The following JMJD1C variants were observed in gnomAD, a reference collection of about 807,000 sequenced individuals.
JMJD1C encodes the protein jumonji domain containing 1C.
A neutral mutation model predicts 245.3 loss-of-function variants in JMJD1C; 31 were observed. The ratio of observed to expected loss-of-function variants is 0.13; its 90% CI spans 0.09 to 0.17. The LOEUF (loss-of-function observed/expected upper bound fraction) is 0.17, where lower values mean the gene tolerates loss of function less well. Ranked by LOEUF, JMJD1C falls within the 10% of genes least tolerant of loss-of-function variation. The pLI, the probability that JMJD1C is intolerant of heterozygous loss-of-function variation, is 1.00. For synonymous variants in JMJD1C, 1,057 were observed against 1,017.4 expected (o/e 1.04, Z -0.74); for missense variants, 2,691 against 3,000.2 (o/e 0.90, Z 2.41).
In JMJD1C at chr10:63,332,239, G is replaced by A. The variant is rs557706509; in HGVS notation, c.333+48079C>T. On this transcript the variant is annotated intron_variant, in intron 2 of 25. Coordinates refer to ENST00000399262, the MANE Select transcript of JMJD1C (RefSeq NM_032776.3). The stretch of plus-strand genomic sequence containing the variant: ...CCACAAGAAAATGCAGCTTATATAA[G>A]TAAAGTAAGAAAAAGGTTCAGCTGG... Among the ~76,000 whole-genome samples, 327 of 152,256 alleles carry A rather than the reference G, an allele frequency of 2.1e-3. 2 individuals are homozygous for A. The highest frequency in any genetic ancestry group is 7.6e-3 in the African/African-American group (317 of 41,562).
chr10:63,387,629 A>AAATTTT (rs1554915199), intron 1 of JMJD1C, among the ~76,000 whole-genome samples: 2 of 37,866 alleles, frequency 5.3e-5, no homozygotes, highest in Non-Finnish European at 8.6e-5. Context: ...GAAAAAAAAA[A>AAATTTT]TTTTTTTTTT....
intron 1 of JMJD1C, among the ~76,000 whole-genome samples, chr10:63,460,835 G>A (rs1373330048): frequency 4.6e-5 from 7 of 151,994 alleles, no homozygotes; most frequent in Non-Finnish European, 5.9e-5. Flanking sequence ...ATACAAAGAC[G>A]ATAAGGTTTC....
At chr10:63,339,060 T>C (rs78854030) in intron 2 of JMJD1C, among the ~76,000 whole-genome samples, 4,240 of 152,294 alleles carry the variant, frequency 0.028, 88 homozygotes, top group Middle Eastern at 0.044. Flanking sequence ...CCCTTGTTTA[T>C]GGTAAAAAAA....
chr10:63,416,409 AATCT>A (rs1182360570), intron 1 of JMJD1C, among the ~76,000 whole-genome samples: 1 of 152,090 alleles, frequency 6.6e-6, no homozygotes. Context: ...TTGCAGGAAA[AATCT>A]ATCTCATTTT....
intron 3 of JMJD1C, among the ~76,000 whole-genome samples, chr10:63,236,203 G>A (rs1004186913): frequency 3.3e-5 from 5 of 151,632 alleles, no homozygotes; most frequent in African/African-American, 1.2e-4. Context: ...CTACTAATAG[G>A]GTTTCTTGGT....
intron 3 of JMJD1C, among the ~76,000 whole-genome samples, chr10:63,220,492 A>G (rs887891003): frequency 6.6e-6 from 1 of 152,230 alleles, no homozygotes; most frequent in African/African-American, 2.4e-5. Flanking sequence ...TCTGACCAGT[A>G]ATTTTGCTGC....
chr10:63,341,137 C>T (rs999133803), intron 2 of JMJD1C, among the ~76,000 whole-genome samples: 23 of 152,046 alleles, frequency 1.5e-4, no homozygotes, highest in East Asian at 5.8e-4. Flanking sequence ...AATATCCATC[C>T]GGATGAGCTG....
intron 1 of JMJD1C, among the ~76,000 whole-genome samples, chr10:63,420,525 C>T (rs1015762867): frequency 6.7e-6 from 1 of 150,244 alleles, no homozygotes; most frequent in Non-Finnish European, 1.5e-5. Flanking sequence ...GACAACATGG[C>T]AAAACCCCGT....
At chr10:63,421,704 G>C (rs1226485173) in intron 1 of JMJD1C, among the ~76,000 whole-genome samples, 4 of 152,178 alleles carry the variant, frequency 2.6e-5, no homozygotes, top group Non-Finnish European at 4.4e-5. Context: ...ATATGGGTGA[G>C]ACCCTGAAGT....
At chr10:63,242,166 T>C (rs1851561478) in intron 3 of JMJD1C, among the ~76,000 whole-genome samples, 3 of 152,188 alleles carry the variant, frequency 2.0e-5, no homozygotes, top group Non-Finnish European at 4.4e-5. Flanking sequence ...AGGGTGATAC[T>C]GGAGACAATA....
intron 1 of JMJD1C, among the ~76,000 whole-genome samples, chr10:63,513,622 T>C (rs1461161821): frequency 2.0e-5 from 3 of 152,066 alleles, no homozygotes; most frequent in Admixed American, 6.6e-5. Flanking sequence ...CAAAAAATAG[T>C]CCCATTTAGG....
At chr10:63,245,071 T>C (rs1056856297) in intron 3 of JMJD1C, among the ~76,000 whole-genome samples, 1 of 139,138 alleles carries the variant, frequency 7.2e-6, no homozygotes, top group African/African-American at 2.7e-5. Flanking sequence ...GAGGTGGAGC[T>C]TGCAGTGAGC....
At chr10:63,440,517 A>G (rs1951322148) in intron 1 of JMJD1C, among the ~76,000 whole-genome samples, 1 of 152,078 alleles carries the variant, frequency 6.6e-6, no homozygotes, top group South Asian at 2.1e-4. Flanking sequence ...AAATGATTCT[A>G]ATTACATTGT....
chr10:63,518,002 A>G (rs1955076013), intron 1 of JMJD1C, among the ~76,000 whole-genome samples: 1 of 152,190 alleles, frequency 6.6e-6, no homozygotes, highest in African/African-American at 2.4e-5. Context: ...CACATTGGCC[A>G]GGATGGCCTC....
intron 16 of JMJD1C, among the ~76,000 whole-genome samples, chr10:63,192,317 C>A (rs983280967): frequency 6.7e-6 from 1 of 149,714 alleles, no homozygotes; most frequent in Admixed American, 6.7e-5. Context: ...CACCTGTAAT[C>A]CCAACACTTT....
chr10:63,521,036 G>A (rs1186628461), intron 1 of JMJD1C, among the ~76,000 whole-genome samples: 3 of 152,190 alleles, frequency 2.0e-5, no homozygotes, highest in African/African-American at 7.2e-5. Flanking sequence ...GAGTTCCTGC[G>A]AATATCTCAC....
At chr10:63,485,052 T>C (rs1953951415) in intron 1 of JMJD1C, among the ~76,000 whole-genome samples, 1 of 151,440 alleles carries the variant, frequency 6.6e-6, no homozygotes, top group Non-Finnish European at 1.5e-5. Flanking sequence ...ACTAAAGGGA[T>C]GGTAACAACA....
chr10:63,468,378 G>C (rs1408705540), upstream of JMJD1C, among the ~76,000 whole-genome samples: 1 of 151,966 alleles, frequency 6.6e-6, no homozygotes, highest in Non-Finnish European at 1.5e-5. Flanking sequence ...GGCATTTTTT[G>C]CTTCGTTTTG....
chr10:63,253,578 G>C (rs1286533027), intron 3 of JMJD1C, among the ~76,000 whole-genome samples: 2 of 152,066 alleles, frequency 1.3e-5, no homozygotes, highest in Non-Finnish European at 2.9e-5. Flanking sequence ...TAGAGATGGG[G>C]TTTCACCATG....
Sources: allele counts gnomAD v4.1 joint callset (sites outside exome capture counted in the v4.1 genomes callset), GRCh38; gene constraint gnomAD v4.1.1; transcripts MANE v1.5; gene names NCBI Gene and HGNC (gene_info 2026-07-23, HGNC 2026-07-21).